Variants in BABAM2 observed in about 807,000 individuals in gnomAD.
The protein encoded by BABAM2 is BRISC and BRCA1-A complex member 2.
BABAM2 carries 31 observed loss-of-function variants against 54.7 expected under a neutral mutation model. The ratio of observed to expected loss-of-function variants is 0.57; its 90% confidence interval spans 0.43 to 0.77. BABAM2 has a LOEUF of 0.77. Among genes scored for constraint, BABAM2 ranks in the 30% least tolerant of loss-of-function variants. The probability of loss-of-function intolerance (pLI) is 0.00; values close to 1 mark genes in which losing one functional copy is unlikely to be tolerated. For missense variants in BABAM2, 364 were observed against 455.8 expected (o/e 0.80, Z 1.83); for synonymous variants, 167 against 162.9 (o/e 1.03, Z -0.19).
chr2:28,020,289 A>G (rs1305178729), intron 4 of BABAM2, among the ~76,000 whole-genome samples: 1 of 152,190 alleles, frequency 6.6e-6, no homozygotes, highest in Non-Finnish European at 1.5e-5. Context: ...CAGAAATGAA[A>G]TATGTGAAGT....
At chr2:28,319,288 C>A (rs1235866922) in intron 11 of BABAM2, among the ~76,000 whole-genome samples, 2 of 152,224 alleles carry the variant, frequency 1.3e-5, no homozygotes, top group African/African-American at 2.4e-5. Flanking sequence ...AAAGGCTCCC[C>A]CTTTGGGTTG....
At chr2:28,048,628 T>G (rs1377105352) in intron 6 of BABAM2, among the ~76,000 whole-genome samples, 1 of 152,186 alleles carries the variant, frequency 6.6e-6, no homozygotes, top group East Asian at 1.9e-4. Flanking sequence ...CAGTCCATAC[T>G]TAGTACTCTA....
At chr2:27,930,355 A>C (rs1013253139) in intron 3 of BABAM2, 2 of 166,110 alleles carry the variant, frequency 1.2e-5, no homozygotes, top group African/African-American at 4.8e-5. Flanking sequence ...TAAGAGTCCT[A>C]CCTCAAAAAC....
intron 4 of BABAM2, among the ~76,000 whole-genome samples, chr2:28,019,389 A>G (rs2148550509): frequency 6.6e-6 from 1 of 151,368 alleles, no homozygotes; most frequent in East Asian, 1.9e-4. Context: ...GATTCTGGAT[A>G]TTAGTTGTTT....
rs1382478033 is a variant in BABAM2, at chr2:28,325,996, G to T, written c.1089-12454G>T. The stretch of plus-strand genomic sequence containing the variant: ...TTTGGGAGTCCTGCACTTTGCTGTG[G>T]AGGCTGATGCCTGACCATGCTGCGC... On this transcript the variant is annotated intron_variant, in intron 11 of 11. Transcript: ENST00000379624. The surrounding 1 kb of genome is among the most constrained non-coding windows in gnomAD (Gnocchi z 4.3). Among the ~76,000 whole-genome samples, 2 of 152,214 alleles carry T rather than the reference G, an allele frequency of 1.3e-5. No individual in the cohort carries two copies. Among genetic ancestry groups the T allele is most frequent in the Non-Finnish European group, 2.9e-5 (2 of 68,036 alleles).
At chr2:27,890,559 T>C, upstream of BABAM2, 2 of 537,062 alleles carry the variant, frequency 3.7e-6, no homozygotes, top group Non-Finnish European at 3.3e-6. The surrounding 1 kb of genome is among the most constrained non-coding windows in gnomAD (Gnocchi z 4.8). Flanking sequence ...AACAGGGCCC[T>C]CCTGATATGG....
intron 6 of BABAM2, among the ~76,000 whole-genome samples, chr2:28,122,494 G>A (rs925535684): frequency 1.3e-5 from 2 of 152,132 alleles, no homozygotes; most frequent in Admixed American, 1.3e-4. Context: ...CCACTGAGTG[G>A]TTTTGCTAGT....
At chr2:28,019,396 G>A (rs1311038137) in intron 4 of BABAM2, among the ~76,000 whole-genome samples, 1 of 151,662 alleles carries the variant, frequency 6.6e-6, no homozygotes, top group South Asian at 2.1e-4. Context: ...GATATTAGTT[G>A]TTTGTCAGAT....
intron 7 of BABAM2, among the ~76,000 whole-genome samples, chr2:28,156,032 A>C (rs150966359): frequency 1.4e-4 from 22 of 152,316 alleles, no homozygotes; most frequent in African/African-American, 5.1e-4. Context: ...TTGTTAATAA[A>C]ATTATGGTAG....
chr2:28,204,792 A>C (rs1162362040), intron 7 of BABAM2, among the ~76,000 whole-genome samples: 3 of 152,176 alleles, frequency 2.0e-5, no homozygotes, highest in African/African-American at 7.2e-5. Flanking sequence ...TAGTTATGAC[A>C]GAAGTAGTAT....
chr2:28,091,161 A>T (rs1031971998), intron 6 of BABAM2, among the ~76,000 whole-genome samples: 1 of 152,224 alleles, frequency 6.6e-6, no homozygotes, highest in Non-Finnish European at 1.5e-5. Flanking sequence ...TTTAATATCC[A>T]TTAAGCCTTT....
At chr2:27,953,207 G>T (rs1407608147) in intron 3 of BABAM2, among the ~76,000 whole-genome samples, 1 of 151,976 alleles carries the variant, frequency 6.6e-6, no homozygotes. Flanking sequence ...TTGAGACAGA[G>T]GCTTGCTCTG....
intron 4 of BABAM2, among the ~76,000 whole-genome samples, chr2:28,024,079 TACTC>T (rs768874375): frequency 4.6e-5 from 7 of 152,072 alleles, no homozygotes. Flanking sequence ...TTGTCACACA[TACTC>T]AGTTAAAAAA....
rs1243865882 is a variant in BABAM2, at chr2:28,325,759, T to C, written c.1089-12691T>C. 2.0e-5 allele frequency among the ~76,000 whole-genome samples: 3 copies of C among 152,130 alleles called. No homozygotes were observed. Among genetic ancestry groups the C allele is most frequent in the Non-Finnish European group, 4.4e-5 (3 of 68,020 alleles). ...CCAGGGGGGTGAATGTCCCAGAGTG[T>C]TGGGTGACCAAAAGCTGTGTCCAAA... On this transcript the variant is annotated intron_variant, in intron 11 of 11. Coordinates refer to ENST00000379624, the MANE Select transcript of BABAM2 (RefSeq NM_199191.3). This position sits in a 1 kb window ranked among gnomAD's most constrained non-coding sequence, Gnocchi z 4.3.
chr2:28,015,991 G>A (rs1674780971), intron 4 of BABAM2: 4 of 592,734 alleles, frequency 6.7e-6, no homozygotes, highest in Non-Finnish European at 1.2e-5. Flanking sequence ...TTTCTCAGTT[G>A]CATCTTTTGA....
In BABAM2 at chr2:28,127,443, A is replaced by G. The variant is rs114249839; in HGVS notation, c.571-1828A>G. ...AGGCTATCGTTGTGGGCTAAGGGTA[A>G]GTGGAAGAGAAGGGAATAGAGAGTG... On this transcript the variant is annotated intron_variant, in intron 6 of 11. Transcript: ENST00000379624. 9.0e-3 allele frequency among the ~76,000 whole-genome samples: 1,364 copies of G among 152,260 alleles called. 10 individuals carry two copies. Among genetic ancestry groups the G allele is most frequent in the Non-Finnish European group, 0.016 (1,060 of 68,012 alleles).
At chr2:28,056,504 C>T (rs1462390028) in intron 6 of BABAM2, among the ~76,000 whole-genome samples, 1 of 151,158 alleles carries the variant, frequency 6.6e-6, no homozygotes, top group Non-Finnish European at 1.5e-5. Context: ...TTCTTTTTTT[C>T]AAAATTTCTA....
intron 3 of BABAM2, among the ~76,000 whole-genome samples, chr2:27,984,918 C>G (rs1381629401): frequency 6.6e-6 from 1 of 152,100 alleles, no homozygotes; most frequent in Non-Finnish European, 1.5e-5. Flanking sequence ...AAGCTTAGCT[C>G]CCACTTATGT....
At chr2:27,992,095 C>T (rs1411366282) in intron 4 of BABAM2, among the ~76,000 whole-genome samples, 5 of 152,106 alleles carry the variant, frequency 3.3e-5, no homozygotes, top group Non-Finnish European at 7.4e-5. Context: ...GAAGTGGTAT[C>T]GCACTGTAGT....
Sources: allele counts gnomAD v4.1 joint callset (sites outside exome capture counted in the v4.1 genomes callset), GRCh38; gene constraint gnomAD v4.1.1; non-coding constraint Gnocchi (gnomAD v3.1); transcripts MANE v1.5; gene names NCBI Gene and HGNC (gene_info 2026-07-23, HGNC 2026-07-21).